PASK: variants seen among roughly 807,000 people sequenced by gnomAD.
PASK encodes PAS domain containing serine/threonine kinase.
PASK carries 110 observed loss-of-function variants against 121.0 expected under a neutral mutation model. That is an observed-to-expected ratio of 0.91 (90% CI 0.78 to 1.06). The LOEUF (loss-of-function observed/expected upper bound fraction) is 1.06, where lower values mean the gene tolerates loss of function less well. Ranked by LOEUF, PASK falls within the 50% of genes least tolerant of loss-of-function variation. The pLI is 0.00. For missense variants in PASK, 1,643 were observed against 1,702.3 expected, an observed-to-expected ratio of 0.97 and a Z score of 0.61; for synonymous variants, 686 against 717.8, an observed-to-expected ratio of 0.96 and a Z score of 0.71.
rs777996664 is a variant in PASK at position 241,126,295 on chromosome 2, T to A, written c.2620A>T (p.Thr874Ser). Residue 874 changes from threonine (T) to serine (S), a missense_variant, in exon 10 of 18, where the codon ACG (threonine) becomes TCG (serine). Transcript: ENST00000234040. ...GCCCCGCGCATCACGATCACGGGCGTGGAGGTGACCTGGACGTTCAGCCTT... is the reference window on the plus strand; with the variant it reads ...GCCCCGCGCATCACGATCACGGGCGAGGAGGTGACCTGGACGTTCAGCCTT... ...EPRLNVQVTS[T>S]PVIVMRGAAG... The A allele has an allele frequency of 6.2e-7, 1 of 1,614,130 alleles. No individual in the cohort carries two copies. Among genetic ancestry groups the A allele is most frequent in the Non-Finnish European group, 8.5e-7 (1 of 1,180,012 alleles).
Position 241,126,966 on chromosome 2 carries a change from A to G in PASK, c.1949T>C (p.Val650Ala). Residue 650 changes from valine to alanine, a missense_variant, in exon 10 of 18, where the codon GTG (valine) becomes GCG (alanine). Physicochemically the swap from Val to Ala is moderately conservative, Grantham distance 64 (BLOSUM62 0). This residue lies in a region of PASK where 1,176 missense variants were observed against 1,162.2 expected (regional missense o/e 1.01). Coordinates refer to ENST00000234040, the MANE Select transcript of PASK (RefSeq NM_015148.4). ...TPTLDEPWLG[V>A]ENDREELQTC... is the part of the protein sequence containing the mutation. ...CTGCAGCTCTTCTCGGTCGTTTTCCACTCCCAGCCACGGCTCATCTAGAGT... is the reference window on the plus strand; with the variant it reads ...CTGCAGCTCTTCTCGGTCGTTTTCCGCTCCCAGCCACGGCTCATCTAGAGT... The G allele has an allele frequency of 6.2e-7, 1 of 1,613,978 alleles. No homozygotes were observed. Among genetic ancestry groups the G allele is most frequent in the Non-Finnish European group, 8.5e-7 (1 of 1,179,976 alleles).
intron 8 of PASK, 58 bp downstream of exon 8, chr2:241,135,813 T>G: frequency 1.0e-5 from 15 of 1,494,644 alleles, no homozygotes; most frequent in Non-Finnish European, 1.1e-5. Context: ...CTCAGAGGCA[T>G]GGGGCTGTCT....
At chr2:241,123,904 C>T (rs777117935) in intron 11 of PASK, 45 bp downstream of exon 11, 1 of 1,504,640 alleles carries the variant, frequency 6.6e-7, no homozygotes, top group Non-Finnish European at 9.2e-7. Flanking sequence ...ATTTGCCACA[C>T]AGTACAAGGC....
rs777338405 is a variant in PASK at position 241,140,773 on chromosome 2, G to A, written c.197-20C>T. ...TGTCTTCTGAAAAGAGAAGCGAAGC[G>A]AAGCTTTAGACTTCACACAGCTGCC... On this transcript the variant is annotated intron_variant, in intron 2 of 17. Transcript: ENST00000234040. 2.9e-5 allele frequency: 44 copies of A among 1,534,238 alleles called. 1 individual carries two copies. The highest frequency in any genetic ancestry group is 8.2e-5 in the African/African-American group (6 of 73,332).
At chr2:241,150,005 C>T (rs911152253), upstream of PASK, 8 of 1,404,426 alleles carry the variant, frequency 5.7e-6, no homozygotes, top group South Asian at 1.5e-5. Context: ...TTGCTCTTGC[C>T]GTTCGGCCCA....
At chr2:241,123,202 G>A (rs1405549181) in intron 11 of PASK, among the ~76,000 whole-genome samples, 3 of 145,118 alleles carry the variant, frequency 2.1e-5, no homozygotes, top group African/African-American at 7.8e-5. Flanking sequence ...TTTAGACGGA[G>A]TCTGGCTCTG....
chr2:241,134,960 AC>A (rs927714710), intron 8 of PASK, among the ~76,000 whole-genome samples: 3 of 151,958 alleles, frequency 2.0e-5, no homozygotes, highest in African/African-American at 7.3e-5. Context: ...GACAGGGCGC[AC>A]CCCCACCCCA....
At chr2:241,147,445 C>G (rs1981616) in intron 1 of PASK, among the ~76,000 whole-genome samples, 2 of 151,842 alleles carry the variant, frequency 1.3e-5, no homozygotes, top group South Asian at 4.2e-4. Context: ...TAGGGAGACC[C>G]CATCTCTACA....
At position 241,140,672 on chromosome 2, in the gene PASK, G is replaced by C. The variant is rs534656298; in HGVS notation, c.278C>G (p.Pro93Arg). Residue 93 changes from proline (P) to arginine (R), a missense_variant, in exon 3 of 18, where the codon CCT becomes CGT. Physicochemically the swap from Pro to Arg is moderately radical, Grantham distance 103. This residue lies in a region of PASK where 1,176 missense variants were observed against 1,162.2 expected (regional missense o/e 1.01). Transcript: ENST00000234040. Reference sequence around the variant, plus strand: ...CGGTTCGGACGGGTCCGTGTGCTCAGGGGCAGCAGGGCAGTGCAGTTTACT... The same window carrying C: ...CGGTTCGGACGGGTCCGTGTGCTCACGGGCAGCAGGGCAGTGCAGTTTACT... The part of the protein sequence containing the change: ...CTSKLHCPAA[P>R]EHTDPSEPRG... 24 of 1,614,022 alleles carry C rather than the reference G, an allele frequency of 1.5e-5. No homozygotes were observed. The Admixed American group carries it at 4.0e-4, about 27-fold the overall frequency.
Position 241,122,832 on chromosome 2 carries a change from C to T in PASK, c.2972G>A (p.Cys991Tyr), listed in dbSNP as rs376197185. 1.9e-6 allele frequency: 3 copies of T among 1,614,122 alleles called. No homozygotes were observed. Among genetic ancestry groups the T allele is most frequent in the African/African-American group, 2.7e-5 (2 of 74,950 alleles). ...KAVELEGLAA[C>Y]EGEYSQKYST... ...GTACTTTTGGGAGTACTCGCCCTCA[C>T]AGGCCGCCAACCCCTCCAGTTCCAC... Residue 991 changes from cysteine (C) to tyrosine (Y), a missense_variant, in exon 12 of 18, where the codon TGT (cysteine) becomes TAT (tyrosine). Physicochemically the swap from Cys to Tyr is radical, Grantham distance 194. This residue lies in a region of PASK where 453 missense variants were observed against 511.2 expected (regional missense o/e 0.89). Transcript: ENST00000234040.
At chr2:241,136,932 C>A in intron 7 of PASK, 72 bp downstream of exon 7, 1 of 1,444,600 alleles carries the variant, frequency 6.9e-7, no homozygotes, top group Non-Finnish European at 9.7e-7. Flanking sequence ...CTGTGCCACA[C>A]GCAAGCCCGC....
In PASK at chr2:241,138,687, C is replaced by T. The variant is rs1352173543; in HGVS notation, c.708G>A (p.Glu236=). ...GGAAAGCGACCCAGGTCGAGACCCT[C>T]TCCACGGGCTCCAGGACCACCACGC... is the stretch of plus-strand genomic sequence containing the variant. ...LCCVVVLEPV[E]RVSTWVAFQS... Residue 236 remains glutamate, a synonymous_variant, in exon 5 of 18, where the codon GAG becomes GAA. Transcript: ENST00000234040. 8 of 1,614,014 alleles carry T rather than the reference C, an allele frequency of 5.0e-6. No homozygotes were observed. In the East Asian group the frequency reaches 1.8e-4, roughly 36 times the overall value.
Position 241,149,463 on chromosome 2 carries a change from G to C in PASK, c.-92C>G. On this transcript the variant is annotated 5_prime_UTR_variant, in exon 1 of 18. Coordinates refer to ENST00000234040, the MANE Select transcript of PASK (RefSeq NM_015148.4). Reference sequence around the variant, plus strand: ...AGCCGGCTACACACCACGGAAAGGAGCCCTTCCGCGCTTTTATCCCACCGA... The same window carrying C: ...AGCCGGCTACACACCACGGAAAGGACCCCTTCCGCGCTTTTATCCCACCGA... The C allele has an allele frequency of 1.7e-6, 1 of 595,294 alleles. No homozygotes were observed. The highest frequency in any genetic ancestry group is 2.9e-6 in the Non-Finnish European group (1 of 339,178). 36.9% of individuals were successfully genotyped at this position (595,294 alleles called of 1,614,324 possible).
chr2:241,131,962 GA>G (rs2066156849), intron 9 of PASK, among the ~76,000 whole-genome samples: 2 of 149,502 alleles, frequency 1.3e-5, no homozygotes, highest in African/African-American at 4.9e-5. Flanking sequence ...GCTGAGGCAG[GA>G]GAATCACTTG....
chr2:241,127,160 G>A lies in PASK; in HGVS notation c.1755C>T (p.Asp585=). 1.2e-6 allele frequency: 2 copies of A among 1,614,066 alleles called. No homozygotes were observed. The highest frequency in any genetic ancestry group is 1.7e-6 in the Non-Finnish European group (2 of 1,179,980). The change falls in exon 10 of 18, where the codon GAC becomes GAT. Residue 585 remains aspartate, a synonymous_variant. Coordinates refer to ENST00000234040, the MANE Select transcript of PASK (RefSeq NM_015148.4). ...TGGCCACGGCAGCCCCAGCCCAAAGGTCTGAACCGCTGGGACCACTGACTC... is the reference window on the plus strand; with the variant it reads ...TGGCCACGGCAGCCCCAGCCCAAAGATCTGAACCGCTGGGACCACTGACTC... ...RMGVSGPSGS[D]LWAGAAVAKP...
upstream of PASK, chr2:241,150,330 C>G (rs917806674): frequency 3.0e-6 from 4 of 1,324,412 alleles, no homozygotes; most frequent in East Asian, 6.3e-5. Context: ...GGCGCGCGGC[C>G]TCATGACGGA....
intron 1 of PASK, among the ~76,000 whole-genome samples, chr2:241,143,345 A>G (rs1484411031): frequency 6.6e-6 from 1 of 152,128 alleles, no homozygotes; most frequent in Non-Finnish European, 1.5e-5. Flanking sequence ...GATCGAGGAG[A>G]TCGAGACCAT....
At position 241,108,355 on chromosome 2, in the gene PASK, G is replaced by C; in HGVS notation, c.3534-55C>G. 1 of 1,595,820 alleles carries C rather than the reference G, an allele frequency of 6.3e-7. No individual in the cohort carries two copies. Among genetic ancestry groups the C allele is most frequent in the Non-Finnish European group, 8.6e-7 (1 of 1,168,388 alleles). On this transcript the variant is annotated intron_variant, in intron 15 of 17. Coordinates refer to ENST00000234040, the MANE Select transcript of PASK (RefSeq NM_015148.4). The surrounding 1 kb of genome is among the most constrained non-coding windows in gnomAD (Gnocchi z 5.2). ...ACGGCACTCAGCGCAGGCTTGCCAA[G>C]CCCGCCCATGGGAAGCACCATGGCC...
intron 9 of PASK, among the ~76,000 whole-genome samples, chr2:241,131,184 T>C (rs1255900650): frequency 6.6e-6 from 1 of 151,732 alleles, no homozygotes; most frequent in East Asian, 2.0e-4. Flanking sequence ...AGTCTCACTC[T>C]GTCGCCCAGG....
Sources: gnomAD v4.1 joint callset for allele counts (sites outside exome capture counted in the v4.1 genomes callset) on GRCh38, gnomAD v4.1.1 for gene constraint, gnomAD v4.1.1 regional missense constraint, Gnocchi (gnomAD v3.1) non-coding constraint, MANE v1.5 for transcripts, NCBI Gene and HGNC (gene_info 2026-07-23, HGNC 2026-07-21) for gene names.